The following LEKR1 variants were observed in gnomAD, a reference collection of about 807,000 sequenced individuals.
The protein encoded by LEKR1 is leucine, glutamate and lysine rich 1, also known as protein LEKR1.
LEKR1 carries 59 observed loss-of-function variants against 72.4 expected under a neutral mutation model. That is an observed-to-expected ratio of 0.82 (90% CI 0.66 to 1.01). The LOEUF (loss-of-function observed/expected upper bound fraction) is 1.01, where lower values mean the gene tolerates loss of function less well. LEKR1 is among the 50% of genes least tolerant of loss of function. The pLI, the probability that LEKR1 is intolerant of heterozygous loss-of-function variation, is 0.00. For missense variants in LEKR1, 728 were observed against 759.2 expected (o/e 0.96, Z 0.48); for synonymous variants, 257 against 263.2 (o/e 0.98, Z 0.23).
intron 3 of LEKR1, among the ~76,000 whole-genome samples, chr3:156,879,804 G>A (rs938311685): frequency 6.6e-6 from 1 of 152,176 alleles, no homozygotes; most frequent in African/African-American, 2.4e-5. Flanking sequence ...GGTACAGCTC[G>A]GGTTGTGGCT....
chr3:157,017,888 G>A (rs1294441557), intron 10 of LEKR1, among the ~76,000 whole-genome samples: 1 of 142,830 alleles, frequency 7.0e-6, no homozygotes, highest in African/African-American at 2.7e-5. Flanking sequence ...GGCGGAGCTT[G>A]CAGTCAGCCA....
chr3:156,922,337 G>A (rs1724274830), intron 4 of LEKR1, among the ~76,000 whole-genome samples: 1 of 151,256 alleles, frequency 6.6e-6, no homozygotes, highest in African/African-American at 2.4e-5. Flanking sequence ...ATAAAACTTA[G>A]TTGCTCTTAA....
intron 6 of LEKR1, among the ~76,000 whole-genome samples, chr3:156,975,890 T>A (rs951738942): frequency 6.6e-6 from 1 of 152,224 alleles, no homozygotes; most frequent in Non-Finnish European, 1.5e-5. Flanking sequence ...TAGGGCCTTG[T>A]TCCTCATAAT....
intron 9 of LEKR1, among the ~76,000 whole-genome samples, chr3:156,994,515 C>G (rs1731396616): frequency 6.6e-6 from 1 of 152,118 alleles, no homozygotes; most frequent in Non-Finnish European, 1.5e-5. Context: ...AAAATGTACC[C>G]TCTACTTAAC....
intron 6 of LEKR1, among the ~76,000 whole-genome samples, chr3:156,950,058 C>A (rs1035307077): frequency 6.6e-6 from 1 of 151,144 alleles, no homozygotes; most frequent in Non-Finnish European, 1.5e-5. Context: ...AGTTACAGAA[C>A]CTTTTGATTT....
intron 3 of LEKR1, among the ~76,000 whole-genome samples, chr3:156,861,148 T>G (rs564215034): frequency 6.6e-6 from 1 of 152,296 alleles, no homozygotes; most frequent in South Asian, 2.1e-4. Context: ...CCTGCCTCAC[T>G]GGGCCATTAG....
At chr3:156,990,682 T>C (rs1731082088) in intron 7 of LEKR1, among the ~76,000 whole-genome samples, 2 of 152,226 alleles carry the variant, frequency 1.3e-5, no homozygotes, top group South Asian at 2.1e-4. Flanking sequence ...TACTGAATTA[T>C]TTTGGTGCTC....
intron 3 of LEKR1, among the ~76,000 whole-genome samples, chr3:156,914,782 A>AT (rs1490917398): frequency 6.6e-6 from 1 of 151,868 alleles, no homozygotes; most frequent in Non-Finnish European, 1.5e-5. Flanking sequence ...CTAGTACCTC[A>AT]TTTTTTAAAA....
chr3:156,987,783 T>C (rs754169569), intron 7 of LEKR1, among the ~76,000 whole-genome samples: 1 of 152,224 alleles, frequency 6.6e-6, no homozygotes, highest in Non-Finnish European at 1.5e-5. Flanking sequence ...TGTGAGCCAC[T>C]ATGATTTACT....
At chr3:156,833,530 G>T (rs1332525811) in intron 2 of LEKR1, among the ~76,000 whole-genome samples, 1 of 152,098 alleles carries the variant, frequency 6.6e-6, no homozygotes, top group African/African-American at 2.4e-5. Flanking sequence ...TAGGAATCTT[G>T]CACAATTCTG....
chr3:156,894,795 G>T (rs1367653222), intron 3 of LEKR1, among the ~76,000 whole-genome samples: 3 of 152,100 alleles, frequency 2.0e-5, no homozygotes, highest in African/African-American at 7.2e-5. Flanking sequence ...AATGGGGAAA[G>T]GACTCCCTAT....
At chr3:156,885,246 T>C (rs936100446) in intron 3 of LEKR1, among the ~76,000 whole-genome samples, 22 of 152,218 alleles carry the variant, frequency 1.4e-4, no homozygotes, top group African/African-American at 5.3e-4. Context: ...TCTCCTTGAG[T>C]GTCTTAATAA....
intron 12 of LEKR1, among the ~76,000 whole-genome samples, chr3:157,035,538 G>A (rs1734898661): frequency 6.6e-6 from 1 of 152,040 alleles, no homozygotes; most frequent in Non-Finnish European, 1.5e-5. Flanking sequence ...AAGTAACCAG[G>A]CTTATGTATT....
chr3:156,845,251 C>T (rs552415870), intron 2 of LEKR1, among the ~76,000 whole-genome samples: 17 of 151,664 alleles, frequency 1.1e-4, no homozygotes, highest in East Asian at 5.8e-4. Flanking sequence ...TAGTAAGATA[C>T]GTGGTTTTCA....
chr3:156,899,515 CATACAT>C (rs1240613845), intron 3 of LEKR1, among the ~76,000 whole-genome samples: 3,816 of 101,134 alleles, frequency 0.038, 137 homozygotes, highest in African/African-American at 0.08. Context: ...TGTATATATA[CATACAT>C]ACATATATAC....
intron 12 of LEKR1, among the ~76,000 whole-genome samples, chr3:157,035,858 A>G (rs1259407899): frequency 6.6e-6 from 1 of 152,206 alleles, no homozygotes; most frequent in African/African-American, 2.4e-5. Flanking sequence ...AGATCACACC[A>G]CTGCACTCCA....
At chr3:156,930,894 A>G (rs1480044014) in intron 5 of LEKR1, among the ~76,000 whole-genome samples, 1 of 152,176 alleles carries the variant, frequency 6.6e-6, no homozygotes, top group East Asian at 1.9e-4. Flanking sequence ...GCCTCACACC[A>G]TACATGAGAA....
intron 3 of LEKR1, among the ~76,000 whole-genome samples, chr3:156,905,144 AG>A (rs1161751388): frequency 6.6e-6 from 1 of 152,180 alleles, no homozygotes; most frequent in Admixed American, 6.5e-5. Context: ...CAATATTTTT[AG>A]AAGATAATGT....
At chr3:156,899,051 G>C (rs1465616802) in intron 3 of LEKR1, among the ~76,000 whole-genome samples, 1 of 152,058 alleles carries the variant, frequency 6.6e-6, no homozygotes, top group East Asian at 1.9e-4. Flanking sequence ...TTTGCCAGCT[G>C]TGTGAAAGAC....
Sources: allele counts gnomAD v4.1 joint callset (sites outside exome capture counted in the v4.1 genomes callset), GRCh38; gene constraint gnomAD v4.1.1; transcripts MANE v1.5; gene names NCBI Gene and HGNC (gene_info 2026-07-23, HGNC 2026-07-21).